Variants in MEGF8 observed in about 807,000 individuals in gnomAD.
MEGF8 encodes the protein multiple EGF like domains 8.
MEGF8 carries 156 observed loss-of-function variants against 302.9 expected under a neutral mutation model. The ratio of observed to expected loss-of-function variants is 0.52; its 90% CI spans 0.45 to 0.59. The LOEUF is 0.59. Ranked by LOEUF, MEGF8 falls within the 20% of genes least tolerant of loss-of-function variation. The pLI is 0.00. For synonymous variants in MEGF8, 1,621 were observed against 1,660.5 expected (o/e 0.98, Z 0.58); for missense variants, 3,345 against 3,964.5 (o/e 0.84, Z 4.20).
rs753957347 is a variant in MEGF8 at position 42,352,456 on chromosome 19, C to T, written c.3350C>T (p.Thr1117Met). Reference sequence around the variant, plus strand: ...GATGGCATCTCACACTGCAACCGCACGTGAGTGAGGCGGGGGTTGCTATGG... The same window carrying T: ...GATGGCATCTCACACTGCAACCGCATGTGAGTGAGGCGGGGGTTGCTATGG... ...QGDGISHCNR[T>M]CLEDCGHGVC... The change falls in exon 19 of 42, where the codon ACG (threonine) becomes ATG (methionine). Residue 1117 changes from threonine to methionine, a missense_variant and splice_region_variant. Physicochemically the swap from Thr to Met is moderately conservative, Grantham distance 81 (BLOSUM62 -1). Coordinates refer to ENST00000251268, the MANE Select transcript of MEGF8 (RefSeq NM_001271938.2). The surrounding 1 kb of genome is among the most constrained non-coding windows in gnomAD (Gnocchi z 4.4). 7 of 1,588,856 alleles carry T rather than the reference C, an allele frequency of 4.4e-6. No individual in the cohort carries two copies. Among genetic ancestry groups the T allele is most frequent in the East Asian group, 4.6e-5 (2 of 43,926 alleles).
intron 8 of MEGF8, among the ~76,000 whole-genome samples, 156 bp downstream of exon 8, chr19:42,337,362 T>C (rs1344233155): frequency 6.6e-6 from 1 of 152,212 alleles, no homozygotes; most frequent in Non-Finnish European, 1.5e-5. Context: ...GAGATGGGAC[T>C]AGGGCATCGT....
chr19:42,376,013 G>A lies in MEGF8; in HGVS notation c.7776G>A (p.Val2592=). 6.2e-7 allele frequency: 1 copy of A among 1,606,010 alleles called. No homozygotes were observed. The change falls in exon 42 of 42, where the codon GTG becomes GTA. Residue 2592 remains valine, a synonymous_variant. Transcript: ENST00000251268. This position sits in a 1 kb window ranked among gnomAD's most constrained non-coding sequence, Gnocchi z 8.2. ...EPSAVLVVRG[V]RDRLVITYPH... is the part of the protein sequence containing the mutation. ...CGGCAGTGCTGGTGGTCCGCGGCGT[G>A]CGGGACCGGCTGGTCATCACCTACC...
chr19:42,374,316 C>T (rs1245903282), intron 41 of MEGF8, among the ~76,000 whole-genome samples: 1 of 151,808 alleles, frequency 6.6e-6, no homozygotes, highest in East Asian at 1.9e-4. Context: ...ACTAAAAATA[C>T]AAAAATTAGT....
chr19:42,361,785 G>T (rs1372997740), intron 32 of MEGF8, among the ~76,000 whole-genome samples: 1 of 152,118 alleles, frequency 6.6e-6, no homozygotes, highest in Non-Finnish European at 1.5e-5. Flanking sequence ...TGCAGGTGGG[G>T]ACCAGGTTGG....
chr19:42,336,994 C>T lies in MEGF8; in HGVS notation c.1390+42C>T. The T allele has an allele frequency of 6.2e-7, 1 of 1,613,550 alleles. No individual in the cohort carries two copies. The highest frequency in any genetic ancestry group is 8.5e-7 in the Non-Finnish European group (1 of 1,179,694). The stretch of plus-strand genomic sequence containing the variant: ...ATCCTGCCTGCCTGCCTGCTGAGGG[C>T]CTGAGCCAACCCTGAGCTGAGGCTC... On this transcript the variant is annotated intron_variant, in intron 7 of 41. Transcript: ENST00000251268. The surrounding 1 kb of genome is among the most constrained non-coding windows in gnomAD (Gnocchi z 4.8).
chr19:42,361,768 G>C (rs1273364633), intron 32 of MEGF8, among the ~76,000 whole-genome samples: 1 of 152,080 alleles, frequency 6.6e-6, no homozygotes, highest in African/African-American at 2.4e-5. Context: ...GTAGAGTGAC[G>C]AGAGCCTGCA....
At position 42,328,049 on chromosome 19, in the gene MEGF8, C is replaced by T. The variant is rs1171122229; in HGVS notation, c.187+1619C>T. 1.3e-5 allele frequency among the ~76,000 whole-genome samples: 2 copies of T among 152,328 alleles called. 1 individual carries two copies. Among genetic ancestry groups the T allele is most frequent in the Middle Eastern group, 6.8e-3 (2 of 294 alleles). On this transcript the variant is annotated intron_variant, in intron 1 of 41. Transcript: ENST00000251268. ...GTTGCAGTGAGCCAATATTGTGCCACTACGCTCCAGTCTGGGCGGCAGAGC... is the reference window on the plus strand; with the variant it reads ...GTTGCAGTGAGCCAATATTGTGCCATTACGCTCCAGTCTGGGCGGCAGAGC...
At chr19:42,366,897 A>G (rs1416854104) in intron 35 of MEGF8, among the ~76,000 whole-genome samples, 3 of 152,090 alleles carry the variant, frequency 2.0e-5, no homozygotes, top group Non-Finnish European at 4.4e-5. Context: ...CCAGCAGAGA[A>G]TTTGCCTCTG....
intron 1 of MEGF8, among the ~76,000 whole-genome samples, chr19:42,327,963 C>A (rs903415715): frequency 6.6e-6 from 1 of 152,152 alleles, no homozygotes; most frequent in African/African-American, 2.4e-5. Flanking sequence ...GGTGTGATGG[C>A]GCGCGCCTGT....
In MEGF8 at chr19:42,378,447, T is replaced by A. The variant is rs2039796676; in HGVS notation, c.*1672T>A. 1 of 153,806 alleles carries A rather than the reference T, an allele frequency of 6.5e-6. No homozygotes were observed. The highest frequency in any genetic ancestry group is 1.5e-5 in the Non-Finnish European group (1 of 68,076). 9.5% of individuals were successfully genotyped at this position (153,806 alleles called of 1,614,324 possible). A position where few individuals can be genotyped will look rare whatever the true frequency, so the allele number is the denominator to read the frequency against. Reference sequence around the variant, plus strand: ...TGCCGGTACCGTCAGTGCACAGCCCTGTTCCAGACAGTGCTGCCTGGAAGA... The same window carrying A: ...TGCCGGTACCGTCAGTGCACAGCCCAGTTCCAGACAGTGCTGCCTGGAAGA... On this transcript the variant is annotated 3_prime_UTR_variant, in exon 42 of 42. Coordinates refer to ENST00000251268, the MANE Select transcript of MEGF8 (RefSeq NM_001271938.2).
intron 39 of MEGF8, 76 bp from the exon 40 acceptor site, chr19:42,370,625 G>T: frequency 8.0e-6 from 12 of 1,505,344 alleles, no homozygotes; most frequent in Non-Finnish European, 1.1e-5. Context: ...GTGGGTAGGA[G>T]CCTGGACTCC....
In MEGF8 at chr19:42,360,775, G is replaced by A; in HGVS notation, c.5489G>A (p.Arg1830His). Reference protein sequence around the residue: ...CNAWLLPDLTRSASVGPPMEE... With the variant: ...CNAWLLPDLTHSASVGPPMEE... ...GTCTGAATACACCATCTTTCCTCAG[G>A]CTCGGCCTCTGTGGGGCCCCCAATG... Residue 1830 changes from arginine (R) to histidine (H), a missense_variant and splice_region_variant, in exon 32 of 42, where the codon CGC becomes CAC. Coordinates refer to ENST00000251268, the MANE Select transcript of MEGF8 (RefSeq NM_001271938.2). 1 of 1,575,764 alleles carries A rather than the reference G, an allele frequency of 6.3e-7. No homozygotes were observed. The highest frequency in any genetic ancestry group is 8.6e-7 in the Non-Finnish European group (1 of 1,161,032).
At position 42,376,184 on chromosome 19, in the gene MEGF8, TGTCTTCTTCTCC is replaced by T; in HGVS notation, c.7960_7971del (p.Val2654_Ser2657del). ...AGGACCAGGCCCACATTGACCTGTT[TGTCTTCTTCTCC>T]GTCTTCTTCTCCTGCTTCTTCCTCT... On this transcript the variant is annotated inframe_deletion, in exon 42 of 42. Transcript: ENST00000251268. This position sits in a 1 kb window ranked among gnomAD's most constrained non-coding sequence, Gnocchi z 8.2. 2.5e-6 allele frequency: 4 copies of T among 1,610,132 alleles called. No homozygotes were observed. The highest frequency in any genetic ancestry group is 3.4e-6 in the Non-Finnish European group (4 of 1,178,548).
rs74747212 is a variant in MEGF8, at chr19:42,375,314, C to T, written c.7270-193C>T. On this transcript the variant is annotated intron_variant, in intron 41 of 41. Transcript: ENST00000251268. The surrounding 1 kb of genome is among the most constrained non-coding windows in gnomAD (Gnocchi z 7.1). ...CACCAGGGGCAGCAGTGCTGGAGTG[C>T]CAGGTCCTGGCAAGGTCTACACTGT... is the stretch of plus-strand genomic sequence containing the variant. Among the ~76,000 whole-genome samples, 8,774 of 152,178 alleles carry T rather than the reference C, an allele frequency of 0.058. 345 individuals are homozygous for T. Among genetic ancestry groups the T allele is most frequent in the Middle Eastern group, 0.18 (52 of 294 alleles).
At position 42,352,396 on chromosome 19, in the gene MEGF8, G is replaced by T; in HGVS notation, c.3290G>T (p.Ser1097Ile). ...PRATCLNTPL[S>I]YECHCQRGYQ... The stretch of plus-strand genomic sequence containing the variant: ...GCGACCTGCCTGAACACGCCCCTCA[G>T]CTACGAGTGTCACTGCCAGCGGGGC... Residue 1097 changes from serine to isoleucine, a missense_variant, in exon 19 of 42, where the codon AGC becomes ATC. Transcript: ENST00000251268. The surrounding 1 kb of genome is among the most constrained non-coding windows in gnomAD (Gnocchi z 4.4). The T allele has an allele frequency of 1.3e-6, 2 of 1,597,074 alleles. No individual in the cohort carries two copies. The highest frequency in any genetic ancestry group is 2.3e-5 in the East Asian group (1 of 44,076).
rs779853780 is a variant in MEGF8 at position 42,363,053 on chromosome 19, A to G, written c.6064A>G (p.Thr2022Ala). Reference protein sequence around the residue: ...WTRQFKRTGETRRILSVQPTY... With the variant: ...WTRQFKRTGEARRILSVQPTY... ...TCCCCGTGCCCCACCCCCAGGGGAGACCCGCCGCATCCTCTCCGTGCAGCC... is the reference window on the plus strand; with the variant it reads ...TCCCCGTGCCCCACCCCCAGGGGAGGCCCGCCGCATCCTCTCCGTGCAGCC... Residue 2022 changes from threonine to alanine, a missense_variant, in exon 35 of 42, where the codon ACC becomes GCC. Thr to Ala is a moderately conservative substitution (Grantham distance 58). Transcript: ENST00000251268. 3.1e-6 allele frequency: 5 copies of G among 1,602,292 alleles called. No individual in the cohort carries two copies. The highest frequency in any genetic ancestry group is 4.3e-6 in the Non-Finnish European group (5 of 1,175,266).
chr19:42,357,416 G>T lies in MEGF8; in HGVS notation c.4843G>T (p.Val1615Leu). 6.2e-7 allele frequency: 1 copy of T among 1,613,304 alleles called. No homozygotes were observed. The highest frequency in any genetic ancestry group is 8.5e-7 in the Non-Finnish European group (1 of 1,179,578). ...QWRQEKAPQT[V>L]ELPAVAGHTL... ...CTCCATCCCTCAGGCCCCCCAGACCGTGGAGCTGCCAGCCGTTGCTGGTCA... is the reference window on the plus strand; with the variant it reads ...CTCCATCCCTCAGGCCCCCCAGACCTTGGAGCTGCCAGCCGTTGCTGGTCA... Residue 1615 changes from valine (V) to leucine (L), a missense_variant, in exon 28 of 42, where the codon GTG (valine) becomes TTG (leucine). Transcript: ENST00000251268. The surrounding 1 kb of genome is among the most constrained non-coding windows in gnomAD (Gnocchi z 5.2).
Position 42,350,301 on chromosome 19 carries a change from G to A in MEGF8, c.2653G>A (p.Gly885Arg), listed in dbSNP as rs746031284. 51 of 1,608,820 alleles carry A rather than the reference G, an allele frequency of 3.2e-5. No individual in the cohort carries two copies. The Admixed American group carries it at 7.2e-4, about 23-fold the overall frequency. ...GGGCGGAGCCCATTGCGGGGATGAC[G>A]GGGCTGGTGGGTCCCTGCTGGTGCT... ...RQGGAHCGDD[G>R]AGGSLLVLVP... The change falls in exon 15 of 42, where the codon GGG (glycine) becomes AGG (arginine). Residue 885 changes from glycine (G) to arginine (R), a missense_variant. Transcript: ENST00000251268.
chr19:42,346,829 A>T (rs536141888), intron 12 of MEGF8, among the ~76,000 whole-genome samples: 197 of 151,972 alleles, frequency 1.3e-3, no homozygotes, highest in Non-Finnish European at 2.0e-3. Context: ...ATAAAAATAC[A>T]AAAAAATTAG....
Sources: allele counts gnomAD v4.1 joint callset (sites outside exome capture counted in the v4.1 genomes callset), GRCh38; gene constraint gnomAD v4.1.1; non-coding constraint Gnocchi (gnomAD v3.1); transcripts MANE v1.5; gene names NCBI Gene and HGNC (gene_info 2026-07-23, HGNC 2026-07-21).